The following GRAMD4 variants were observed in gnomAD, a reference collection of about 807,000 sequenced individuals.
GRAMD4 encodes GRAM domain containing 4, also known as GRAM domain-containing protein 4.
In GRAMD4, 25 loss-of-function variants were observed where a neutral mutation model predicts 83.9. The ratio of observed to expected loss-of-function variants is 0.30; its 90% CI spans 0.22 to 0.42. GRAMD4 has a LOEUF of 0.42. Among genes scored for constraint, GRAMD4 ranks in the 10% least tolerant of loss-of-function variants. The pLI is 1.00. For missense variants in GRAMD4, 593 were observed against 788.7 expected, an observed-to-expected ratio of 0.75 and a Z score of 2.97; for synonymous variants, 336 against 320.9, an observed-to-expected ratio of 1.05 and a Z score of -0.50.
At chr22:46,640,122 G>A (rs1029910593) in intron 3 of GRAMD4, among the ~76,000 whole-genome samples, 68 of 152,236 alleles carry the variant, frequency 4.5e-4, no homozygotes, top group African/African-American at 1.6e-3. Context: ...TAGCTCAGCA[G>A]ACGCTAGTTA....
chr22:46,629,913 T>G (rs2081740521), intron 2 of GRAMD4, among the ~76,000 whole-genome samples: 2 of 152,230 alleles, frequency 1.3e-5, no homozygotes, highest in Admixed American at 1.3e-4. Flanking sequence ...GTGTCTGTCC[T>G]TTGCTCGCAT....
Position 46,620,545 on chromosome 22 carries a change from A to C in GRAMD4, c.-70A>C. The C allele has an allele frequency of 1.3e-6, 1 of 775,214 alleles. No homozygotes were observed. Among genetic ancestry groups the C allele is most frequent in the Non-Finnish European group, 1.5e-6 (1 of 663,134 alleles). 48.0% of individuals were successfully genotyped at this position (775,214 alleles called of 1,614,324 possible). A position where few individuals can be genotyped will look rare whatever the true frequency, so the allele number is the denominator to read the frequency against. On this transcript the variant is annotated 5_prime_UTR_variant, in exon 1 of 19. An upstream start codon of the reference 5' UTR is lost. Coordinates refer to ENST00000406902, the MANE Select transcript of GRAMD4 (RefSeq NM_015124.5). This position sits in a 1 kb window ranked among gnomAD's most constrained non-coding sequence, Gnocchi z 4.7. ...AGCCACAGTGAAAGAGTGTTTCTGG[A>C]TGTATCTGAGACAGACGGAGGTAGG...
At chr22:46,584,720 G>T (rs938992882) in intron 1 of GRAMD4, among the ~76,000 whole-genome samples, 2 of 152,168 alleles carry the variant, frequency 1.3e-5, no homozygotes, top group South Asian at 4.1e-4. Flanking sequence ...ATGATTCCAC[G>T]ACTTAGAGGG....
intron 9 of GRAMD4, 26 bp downstream of exon 9, chr22:46,665,732 G>A (rs1307803954): frequency 4.1e-6 from 5 of 1,210,580 alleles, no homozygotes; most frequent in South Asian, 1.2e-5. Context: ...TGTTGCAGCT[G>A]CTTTATCCCA....
intron 1 of GRAMD4, among the ~76,000 whole-genome samples, chr22:46,599,953 T>TTC (rs2081296853): frequency 6.6e-6 from 1 of 152,184 alleles, no homozygotes; most frequent in Non-Finnish European, 1.5e-5. Context: ...CGGCGGCACC[T>TTC]TCTCCCTGTA....
At chr22:46,640,785 C>T (rs926523101) in intron 3 of GRAMD4, among the ~76,000 whole-genome samples, 2 of 152,130 alleles carry the variant, frequency 1.3e-5, no homozygotes, top group African/African-American at 4.8e-5. Context: ...CAGGCTTCCC[C>T]GACACGCCCT....
At chr22:46,647,739 TC>T (rs1235868518) in intron 3 of GRAMD4, among the ~76,000 whole-genome samples, 1 of 152,240 alleles carries the variant, frequency 6.6e-6, no homozygotes, top group Non-Finnish European at 1.5e-5. Flanking sequence ...ACATCCCAGC[TC>T]CCTGGCCTCA....
Position 46,674,711 on chromosome 22 carries a change from C to A in GRAMD4, c.1439C>A (p.Thr480Lys), listed in dbSNP as rs751739548. The A allele has an allele frequency of 6.2e-7, 1 of 1,612,638 alleles. No individual in the cohort carries two copies. Among genetic ancestry groups the A allele is most frequent in the African/African-American group, 1.3e-5 (1 of 74,918 alleles). The change falls in exon 16 of 19, where the codon ACG becomes AAG. Residue 480 changes from threonine to lysine, a missense_variant. Transcript: ENST00000406902. ...CLINRDRKMP[T>K]DYIRNGVLYV... ...ATCAACAGGGACCGGAAGATGCCCACGGACTACATCAGGAACGGGGTGCTC... is the reference window on the plus strand; with the variant it reads ...ATCAACAGGGACCGGAAGATGCCCAAGGACTACATCAGGAACGGGGTGCTC...
chr22:46,679,912 C>T (rs917994740), downstream of GRAMD4: 33 of 385,198 alleles, frequency 8.6e-5, no homozygotes, highest in East Asian at 9.7e-4. Flanking sequence ...CCACGGCTGC[C>T]GGCGGCGGGG....
intron 3 of GRAMD4, among the ~76,000 whole-genome samples, chr22:46,649,447 G>A (rs901147270): frequency 6.6e-6 from 1 of 152,242 alleles, no homozygotes; most frequent in Non-Finnish European, 1.5e-5. Flanking sequence ...CTCTCACAGG[G>A]AGAGGCAGGC....
chr22:46,670,834 G>A (rs1030546207), intron 13 of GRAMD4, among the ~76,000 whole-genome samples: 3 of 152,010 alleles, frequency 2.0e-5, no homozygotes, highest in Admixed American at 6.5e-5. Flanking sequence ...TTGAACCCCT[G>A]ACATCATGAT....
At chr22:46,628,375 C>T (rs1393314634) in intron 2 of GRAMD4, among the ~76,000 whole-genome samples, 2 of 152,232 alleles carry the variant, frequency 1.3e-5, no homozygotes, top group East Asian at 1.9e-4. Flanking sequence ...TGGACTCAGG[C>T]AGGTTCGTGT....
In GRAMD4 at chr22:46,641,394, AGG is replaced by A. The variant is rs1354495339; in HGVS notation, c.283+3435_283+3436del. Among the ~76,000 whole-genome samples the A allele has an allele frequency of 3.4e-3, 6 of 1,764 alleles. No individual in the cohort carries two copies. In the East Asian group the frequency reaches 0.31, roughly 92 times the overall value. The allele number at this position is 1,764 out of a possible 152,430, so 1.2% of individuals were successfully genotyped here. The stretch of plus-strand genomic sequence containing the variant: ...GGCCCCATCTCTAAATAAATAAATA[AGG>A]AAGGAAGGAAGGAAGGAAGGAAGGA... On this transcript the variant is annotated intron_variant, in intron 3 of 18. Coordinates refer to ENST00000406902, the MANE Select transcript of GRAMD4 (RefSeq NM_015124.5).
At chr22:46,586,197 A>G (rs570590296) in intron 1 of GRAMD4, among the ~76,000 whole-genome samples, 1 of 151,864 alleles carries the variant, frequency 6.6e-6, no homozygotes, top group Non-Finnish European at 1.5e-5. Context: ...TGGCCCACTC[A>G]CCTGCCTATG....
chr22:46,623,870 C>T (rs1380245571), intron 1 of GRAMD4, among the ~76,000 whole-genome samples: 1 of 151,698 alleles, frequency 6.6e-6, no homozygotes, highest in Non-Finnish European at 1.5e-5. Context: ...CAACCTCCAC[C>T]TCCCGGGTTC....
At chr22:46,578,284 C>T (rs553675796) in intron 1 of GRAMD4, among the ~76,000 whole-genome samples, 1 of 152,172 alleles carries the variant, frequency 6.6e-6, no homozygotes, top group South Asian at 2.1e-4. Flanking sequence ...CAGCCCTGCC[C>T]TGGTGCTGGG....
rs369394275 is a variant in GRAMD4, at chr22:46,670,572, G to A, written c.1084+1664G>A. Among the ~76,000 whole-genome samples, 6 of 152,260 alleles carry A rather than the reference G, an allele frequency of 3.9e-5. No homozygotes were observed. The East Asian group carries it at 1.2e-3, about 29-fold the overall frequency. ...CGCCCTCCACGGGGAGCCTGGGGGT[G>A]TGCACCTGGGTCTTGGTGTCCTGCA... On this transcript the variant is annotated intron_variant, in intron 13 of 18. Coordinates refer to ENST00000406902, the MANE Select transcript of GRAMD4 (RefSeq NM_015124.5).
intron 3 of GRAMD4, among the ~76,000 whole-genome samples, chr22:46,642,841 C>T (rs190160457): frequency 5.6e-4 from 85 of 152,258 alleles, no homozygotes; most frequent in African/African-American, 2.0e-3. Flanking sequence ...CCAGTTATTC[C>T]CCAAAGGTTA....
intron 1 of GRAMD4, among the ~76,000 whole-genome samples, chr22:46,584,254 C>G (rs973640476): frequency 6.6e-6 from 1 of 152,050 alleles, no homozygotes; most frequent in Non-Finnish European, 1.5e-5. Context: ...AGGGCAGAAT[C>G]GGAAACCAAG....
Sources: gnomAD v4.1 joint callset for allele counts (sites outside exome capture counted in the v4.1 genomes callset) on GRCh38, gnomAD v4.1.1 for gene constraint, Gnocchi (gnomAD v3.1) non-coding constraint, MANE v1.5 for transcripts, NCBI Gene and HGNC (gene_info 2026-07-23, HGNC 2026-07-21) for gene names.